Variants in IL1RAPL2 observed in about 807,000 individuals in gnomAD.
IL1RAPL2 encodes the protein X-linked interleukin-1 receptor accessory protein-like 2.
IL1RAPL2 carries 3 observed loss-of-function variants against 44.1 expected under a neutral mutation model. The observed-to-expected ratio is 0.07, with a 90% CI of 0.03 to 0.18. The LOEUF is 0.18. Ranked by LOEUF, IL1RAPL2 falls within the 10% of genes least tolerant of loss-of-function variation. The pLI is 1.00. For synonymous variants in IL1RAPL2, 181 were observed against 178.8 expected, an observed-to-expected ratio of 1.01 and a Z score of -0.10; for missense variants, 391 against 496.4, an observed-to-expected ratio of 0.79 and a Z score of 2.02.
At chrX:105,208,680 A>T (rs781878204) in intron 3 of IL1RAPL2, among the ~76,000 whole-genome samples, 59 of 111,442 alleles carry the variant, frequency 5.3e-4, no homozygotes, top group Non-Finnish European at 7.4e-4. Context: ...ACCAGATCTC[A>T]CTCTTCAACA....
chrX:105,162,004 G>A (rs1308096168), intron 2 of IL1RAPL2, among the ~76,000 whole-genome samples: 1 of 111,538 alleles, frequency 9.0e-6, no homozygotes, highest in African/African-American at 3.3e-5. Flanking sequence ...CTTAGCCCAG[G>A]AATAAATGTC....
chrX:104,773,058 T>G (rs1932663313), intron 2 of IL1RAPL2, among the ~76,000 whole-genome samples: 1 of 110,997 alleles, frequency 9.0e-6, no homozygotes, highest in Non-Finnish European at 1.9e-5. Flanking sequence ...TACAGGTATG[T>G]GTCACCACAC....
At chrX:104,855,136 G>A (rs1922323679) in intron 2 of IL1RAPL2, among the ~76,000 whole-genome samples, 1 of 112,012 alleles carries the variant, frequency 8.9e-6, no homozygotes, top group Admixed American at 9.5e-5. Flanking sequence ...CTCTGGGCTA[G>A]CTAGCTAAAG....
intron 2 of IL1RAPL2, among the ~76,000 whole-genome samples, chrX:104,692,892 T>G (rs900516638): frequency 4.5e-5 from 5 of 111,690 alleles, no homozygotes; most frequent in African/African-American, 6.5e-5. Context: ...ATGGTATTTC[T>G]AGTTCTAGAT....
At chrX:105,206,034 G>T (rs782317332) in intron 3 of IL1RAPL2, among the ~76,000 whole-genome samples, 1 of 110,750 alleles carries the variant, frequency 9.0e-6, no homozygotes, top group African/African-American at 3.3e-5. Flanking sequence ...TGATGTCCTG[G>T]ATGTGAGAAA....
At chrX:105,529,105 T>A (rs1439127405) in intron 6 of IL1RAPL2, among the ~76,000 whole-genome samples, 1 of 111,647 alleles carries the variant, frequency 9.0e-6, no homozygotes, top group Non-Finnish European at 1.9e-5. Context: ...TTGTGTAAAA[T>A]TATCTTCAAT....
chrX:105,599,516 G>T (rs754337142), intron 6 of IL1RAPL2, among the ~76,000 whole-genome samples: 9 of 111,195 alleles, frequency 8.1e-5, no homozygotes, highest in Admixed American at 1.9e-4. Context: ...CACAAAGCTT[G>T]CACTGTGAAG....
intron 6 of IL1RAPL2, among the ~76,000 whole-genome samples, chrX:105,508,550 G>GA (rs887320255): frequency 3.8e-5 from 4 of 105,317 alleles, no homozygotes; most frequent in Admixed American, 1.0e-4. Context: ...TGCCAGCTCT[G>GA]AAAAAAAAAT....
chrX:104,861,841 T>C (rs1922503574), intron 2 of IL1RAPL2, among the ~76,000 whole-genome samples: 2 of 112,176 alleles, frequency 1.8e-5, no homozygotes, highest in Non-Finnish European at 1.9e-5. Context: ...ATTGTTGTAT[T>C]GTTATTTTTT....
At chrX:104,805,332 G>A (rs1036078614) in intron 2 of IL1RAPL2, among the ~76,000 whole-genome samples, 4 of 111,940 alleles carry the variant, frequency 3.6e-5, no homozygotes, top group Non-Finnish European at 7.5e-5. Context: ...GCAACCTCAG[G>A]TATAAATGGG....
chrX:105,051,041 A>G (rs1399245228), intron 2 of IL1RAPL2, among the ~76,000 whole-genome samples: 1 of 112,455 alleles, frequency 8.9e-6, no homozygotes, highest in Non-Finnish European at 1.9e-5. Context: ...GTGGGCCCAG[A>G]GCAGGCACAC....
chrX:104,841,685 A>T (rs892221693), intron 2 of IL1RAPL2, among the ~76,000 whole-genome samples: 4 of 111,402 alleles, frequency 3.6e-5, no homozygotes, highest in African/African-American at 1.3e-4. Context: ...TGGGTTGAAA[A>T]TTCTGTTATT....
At chrX:104,920,500 G>T in intron 2 of IL1RAPL2, among the ~76,000 whole-genome samples, 1 of 88,722 alleles carries the variant, frequency 1.1e-5, no homozygotes, top group South Asian at 7.3e-4. Context: ...GTGAGATATG[G>T]TTATTTAAAA....
At chrX:105,158,261 G>A (rs1456915501) in intron 2 of IL1RAPL2, among the ~76,000 whole-genome samples, 1 of 111,705 alleles carries the variant, frequency 9.0e-6, no homozygotes, top group Non-Finnish European at 1.9e-5. Context: ...GGAGGCTAAG[G>A]CAGGAGAATG....
intron 2 of IL1RAPL2, among the ~76,000 whole-genome samples, chrX:104,677,000 A>G (rs1602675885): frequency 9.0e-6 from 1 of 110,794 alleles, no homozygotes; most frequent in African/African-American, 3.3e-5. Flanking sequence ...TATATATTCA[A>G]AATTTTTTTC....
chrX:105,025,093 T>G lies in IL1RAPL2; in HGVS notation c.83-170382T>G, dbSNP rs190020239. On this transcript the variant is annotated intron_variant, in intron 2 of 10. Transcript: ENST00000372582. ...AGACAAAAACTCTTTTAAGATACCT[T>G]TTTTTGTTCCTGCTTAGAACTATTA... Among the ~76,000 whole-genome samples the G allele has an allele frequency of 8.1e-5, 9 of 110,895 alleles. No homozygotes were observed. The East Asian group carries it at 2.6e-3, about 32-fold the overall frequency.
At chrX:105,342,333 T>C (rs1230489178) in intron 5 of IL1RAPL2, among the ~76,000 whole-genome samples, 1 of 111,961 alleles carries the variant, frequency 8.9e-6, no homozygotes, top group Admixed American at 9.5e-5. Context: ...AAGAAAAAAT[T>C]ATTATCTGTA....
At chrX:105,100,387 A>T (rs897111564) in intron 2 of IL1RAPL2, among the ~76,000 whole-genome samples, 2 of 111,897 alleles carry the variant, frequency 1.8e-5, no homozygotes, top group Non-Finnish European at 1.9e-5. Context: ...ATGAAGGCTA[A>T]GGGCATAAAT....
intron 6 of IL1RAPL2, among the ~76,000 whole-genome samples, chrX:105,523,159 C>G (rs973538822): frequency 1.8e-5 from 2 of 111,733 alleles, no homozygotes; most frequent in Admixed American, 1.9e-4. Context: ...TCATGTACAA[C>G]ATCAGTATCT....
Sources: gnomAD v4.1 joint callset for allele counts (sites outside exome capture counted in the v4.1 genomes callset) on GRCh38, gnomAD v4.1.1 for gene constraint, MANE v1.5 for transcripts, NCBI Gene and HGNC (gene_info 2026-07-23, HGNC 2026-07-21) for gene names.